CCSER1: variants seen among roughly 807,000 people sequenced by gnomAD.
The protein encoded by CCSER1 is coiled-coil serine rich protein 1.
In CCSER1, 41 loss-of-function variants were observed where a neutral mutation model predicts 82.0. The observed-to-expected ratio is 0.50, with a 90% CI of 0.39 to 0.65. The LOEUF is 0.65. Ranked by LOEUF, CCSER1 falls within the 30% of genes least tolerant of loss-of-function variation. The pLI, the probability that CCSER1 is intolerant of heterozygous loss-of-function variation, is 0.00. For synonymous variants in CCSER1, 414 were observed against 383.9 expected (o/e 1.08, Z -0.92); for missense variants, 1,119 against 1,064.2 (o/e 1.05, Z -0.72).
intron 6 of CCSER1, among the ~76,000 whole-genome samples, chr4:90,696,550 T>C (rs1168365677): frequency 2.0e-5 from 3 of 152,282 alleles, no homozygotes; most frequent in African/African-American, 7.2e-5. Context: ...ATAACGATGG[T>C]AATTTCTGTG....
intron 10 of CCSER1, among the ~76,000 whole-genome samples, chr4:91,190,178 A>G (rs1044747616): frequency 1.3e-5 from 2 of 152,234 alleles, no homozygotes; most frequent in African/African-American, 4.8e-5. Flanking sequence ...AGGATCTCTT[A>G]GATGACTAGG....
chr4:90,129,596 A>G (rs1269198140), intron 1 of CCSER1, among the ~76,000 whole-genome samples: 2 of 152,240 alleles, frequency 1.3e-5, no homozygotes, highest in African/African-American at 4.8e-5. Flanking sequence ...CACACTTTCA[A>G]TAGTTTCACA....
intron 10 of CCSER1, among the ~76,000 whole-genome samples, chr4:91,355,605 G>A (rs570089259): frequency 8.5e-5 from 13 of 152,234 alleles, no homozygotes; most frequent in African/African-American, 1.7e-4. Context: ...TCAGTCTGAC[G>A]AAGGTTAGTT....
chr4:90,935,885 G>T (rs1382838001), intron 9 of CCSER1, among the ~76,000 whole-genome samples: 1 of 152,052 alleles, frequency 6.6e-6, no homozygotes, highest in African/African-American at 2.4e-5. Context: ...AAGTGCAAAT[G>T]AATCCAGAAA....
At chr4:90,413,748 G>A (rs1266368587) in intron 4 of CCSER1, among the ~76,000 whole-genome samples, 1 of 149,924 alleles carries the variant, frequency 6.7e-6, no homozygotes, top group Non-Finnish European at 1.5e-5. Context: ...GAGGTCAGGA[G>A]ATCAAGACCA....
intron 10 of CCSER1, among the ~76,000 whole-genome samples, chr4:91,339,163 G>C (rs541860084): frequency 6.6e-6 from 1 of 152,272 alleles, no homozygotes; most frequent in African/African-American, 2.4e-5. Context: ...CATCAAGTAA[G>C]TATATCTTTG....
intron 6 of CCSER1, among the ~76,000 whole-genome samples, chr4:90,685,522 T>C (rs1388637412): frequency 6.6e-6 from 1 of 152,090 alleles, no homozygotes; most frequent in Non-Finnish European, 1.5e-5. Context: ...TTTCCACCCA[T>C]AGGCATTTAA....
At chr4:91,588,200 C>T (rs1296086416) in intron 10 of CCSER1, among the ~76,000 whole-genome samples, 7 of 151,058 alleles carry the variant, frequency 4.6e-5, no homozygotes, top group Admixed American at 2.0e-4. Flanking sequence ...TTTGCGACTA[C>T]TCTGAGTTTG....
rs143690491 is a variant in CCSER1 at position 90,131,862 on chromosome 4, G to C, written c.-42+4031G>C. On this transcript the variant is annotated intron_variant, in intron 1 of 10. Transcript: ENST00000509176. ...TAAACTTAGTTGTTTTTTTCTTTGTGTATATAGGTTGATTTTAGACAAACT... is the reference window on the plus strand; with the variant it reads ...TAAACTTAGTTGTTTTTTTCTTTGTCTATATAGGTTGATTTTAGACAAACT... 1.1e-4 allele frequency among the ~76,000 whole-genome samples: 17 copies of C among 151,990 alleles called. No homozygotes were observed. The East Asian group carries it at 3.3e-3, about 29-fold the overall frequency.
intron 10 of CCSER1, among the ~76,000 whole-genome samples, chr4:91,221,774 T>A (rs1737765386): frequency 6.6e-6 from 1 of 152,082 alleles, no homozygotes; most frequent in Non-Finnish European, 1.5e-5. Context: ...GTCCCGGCAC[T>A]CATATATATG....
chr4:90,606,726 A>G (rs1318700625), intron 5 of CCSER1, among the ~76,000 whole-genome samples: 1 of 152,146 alleles, frequency 6.6e-6, no homozygotes, highest in Non-Finnish European at 1.5e-5. Context: ...CAACTTCCTA[A>G]ATTATTATGT....
intron 1 of CCSER1, among the ~76,000 whole-genome samples, chr4:90,173,693 A>C (rs1732159015): frequency 6.6e-6 from 1 of 151,958 alleles, no homozygotes; most frequent in Non-Finnish European, 1.5e-5. Flanking sequence ...ACTATCATCA[A>C]TCCAGAAATG....
At chr4:90,344,528 A>G (rs1187904957) in intron 3 of CCSER1, among the ~76,000 whole-genome samples, 1 of 152,102 alleles carries the variant, frequency 6.6e-6, no homozygotes, top group African/African-American at 2.4e-5. Context: ...AACCCAATAG[A>G]TATTAAAAAT....
intron 7 of CCSER1, among the ~76,000 whole-genome samples, chr4:90,809,163 A>T (rs1757913763): frequency 6.6e-6 from 1 of 151,782 alleles, no homozygotes; most frequent in Admixed American, 6.6e-5. Context: ...ACACACACAC[A>T]CACACAATTA....
chr4:91,462,106 A>T (rs1756538426), intron 10 of CCSER1, among the ~76,000 whole-genome samples: 1 of 152,182 alleles, frequency 6.6e-6, no homozygotes, highest in South Asian at 2.1e-4. Flanking sequence ...TTCAGAGATT[A>T]TATAAATGTA....
rs199779158 is a variant in CCSER1, at chr4:91,446,437, ACT to A, written c.2218-152134_2218-152133del. ...GCAGAGTGTGCTCTAGAAATACTATACTGTTTTTCTGTTACAAATATTATGCA... is the reference window on the plus strand; with the variant it reads ...GCAGAGTGTGCTCTAGAAATACTATAGTTTTTCTGTTACAAATATTATGCA... On this transcript the variant is annotated intron_variant, in intron 10 of 10. Transcript: ENST00000509176. Among the ~76,000 whole-genome samples the A allele has an allele frequency of 8.6e-3, 1,306 of 152,020 alleles. 10 individuals are homozygous for A. Among genetic ancestry groups the A allele is most frequent in the Middle Eastern group, 0.024 (7 of 294 alleles).
intron 10 of CCSER1, among the ~76,000 whole-genome samples, chr4:91,490,881 T>C (rs1263336505): frequency 3.9e-5 from 1 of 25,780 alleles, no homozygotes; most frequent in Non-Finnish European, 7.8e-5. Flanking sequence ...TCCATATATA[T>C]ATATATATAT....
chr4:90,306,305 G>A (rs1469886389), intron 1 of CCSER1, among the ~76,000 whole-genome samples: 1 of 152,038 alleles, frequency 6.6e-6, no homozygotes, highest in African/African-American at 2.4e-5. Flanking sequence ...TAATAATAAT[G>A]TACTGCATAT....
At chr4:90,352,684 G>A (rs1743696025) in intron 3 of CCSER1, among the ~76,000 whole-genome samples, 1 of 150,380 alleles carries the variant, frequency 6.6e-6, no homozygotes, top group Non-Finnish European at 1.5e-5. Context: ...AAACATATAT[G>A]TATATATACA....
Sources: gnomAD v4.1 joint callset for allele counts (sites outside exome capture counted in the v4.1 genomes callset) on GRCh38, gnomAD v4.1.1 for gene constraint, MANE v1.5 for transcripts, NCBI Gene and HGNC (gene_info 2026-07-23, HGNC 2026-07-21) for gene names.